TEAD1: variants seen among roughly 807,000 people sequenced by gnomAD.
TEAD1 encodes transcriptional enhancer factor TEF-1.
In TEAD1, 9 loss-of-function variants were observed where a neutral mutation model predicts 54.9. The observed-to-expected ratio is 0.16, with a 90% CI of 0.10 to 0.29. The LOEUF is 0.29. Ranked by LOEUF, TEAD1 falls within the 10% of genes least tolerant of loss-of-function variation. The probability of loss-of-function intolerance (pLI) is 1.00; values close to 1 mark genes in which losing one functional copy is unlikely to be tolerated. For synonymous variants in TEAD1, 200 were observed against 187.8 expected (o/e 1.07, Z -0.53); for missense variants, 387 against 535.9 (o/e 0.72, Z 2.74).
chr11:12,728,882 A>G (rs773511313), intron 2 of TEAD1, among the ~76,000 whole-genome samples: 8 of 152,232 alleles, frequency 5.3e-5, no homozygotes, highest in African/African-American at 1.2e-4. Flanking sequence ...CTGTAGAAAT[A>G]TAAAGGGGTT....
At chr11:12,683,067 G>T (rs1446667756) in intron 2 of TEAD1, among the ~76,000 whole-genome samples, 1 of 152,194 alleles carries the variant, frequency 6.6e-6, no homozygotes, top group Non-Finnish European at 1.5e-5. Flanking sequence ...GTTACAGAGG[G>T]TGGTAGTGTA....
At chr11:12,679,894 G>GT (rs1027224549) in intron 2 of TEAD1, among the ~76,000 whole-genome samples, 2 of 152,196 alleles carry the variant, frequency 1.3e-5, no homozygotes, top group African/African-American at 2.4e-5. Context: ...GAAAGAGACT[G>GT]TTTTTTTGCT....
intron 2 of TEAD1, among the ~76,000 whole-genome samples, chr11:12,736,448 TATTTTGCTGA>T (rs555579603): frequency 9.2e-4 from 140 of 152,340 alleles, no homozygotes; most frequent in Non-Finnish European, 1.6e-3. Context: ...AGCTTTTAGA[TATTTTGCTGA>T]ATTCAAAAAA....
Position 12,844,524 on chromosome 11 carries a change from TG to T in TEAD1, c.203-17720del, listed in dbSNP as rs546328371. Among the ~76,000 whole-genome samples, 219 of 152,200 alleles carry T rather than the reference TG, an allele frequency of 1.4e-3. 1 individual carries two copies. Among genetic ancestry groups the T allele is most frequent in the African/African-American group, 5.1e-3 (213 of 41,516 alleles). On this transcript the variant is annotated intron_variant, in intron 3 of 12. Transcript: ENST00000527636. ...GTTGCCACCACCAGCATCAAATCAT[TG>T]GGGGGCAGGGGTGGGGAAGGTGCGA... is the stretch of plus-strand genomic sequence containing the variant.
intron 2 of TEAD1, among the ~76,000 whole-genome samples, chr11:12,737,794 A>G (rs1421555474): frequency 1.3e-5 from 2 of 152,192 alleles, no homozygotes; most frequent in South Asian, 2.1e-4. Flanking sequence ...GTGGAGGTGT[A>G]TATAGAGAAG....
At position 12,942,623 on chromosome 11, in the gene TEAD1, C is replaced by T. The variant is rs3187435; in HGVS notation, c.*5401C>T. 6.6e-6 allele frequency: 1 copy of T among 152,194 alleles called. No homozygotes were observed. The highest frequency in any genetic ancestry group is 1.5e-5 in the Non-Finnish European group (1 of 68,034). 9.4% of individuals were successfully genotyped at this position (152,194 alleles called of 1,614,324 possible). Reference sequence around the variant, plus strand: ...CGTGTTCAGTCTCTGTGGAGACTTTCTTTTCCATTCAAATGACAGTGCGCA... The same window carrying T: ...CGTGTTCAGTCTCTGTGGAGACTTTTTTTTCCATTCAAATGACAGTGCGCA... On this transcript the variant is annotated 3_prime_UTR_variant, in exon 13 of 13. Coordinates refer to ENST00000527636, the MANE Select transcript of TEAD1 (RefSeq NM_021961.6).
intron 3 of TEAD1, among the ~76,000 whole-genome samples, chr11:12,774,527 C>T (rs1452638898): frequency 6.6e-6 from 1 of 152,068 alleles, no homozygotes; most frequent in Non-Finnish European, 1.5e-5. Context: ...GAAGAAAATG[C>T]CAACATTTCT....
At chr11:12,804,374 G>A (rs1946125126) in intron 3 of TEAD1, among the ~76,000 whole-genome samples, 1 of 152,140 alleles carries the variant, frequency 6.6e-6, no homozygotes, top group Admixed American at 6.5e-5. Flanking sequence ...GGCTAGCTTC[G>A]CTTCTTTCTC....
At chr11:12,895,425 C>A (rs1044549834) in intron 9 of TEAD1, among the ~76,000 whole-genome samples, 1 of 152,162 alleles carries the variant, frequency 6.6e-6, no homozygotes, top group African/African-American at 2.4e-5. Flanking sequence ...ACTGGTGCAA[C>A]ATCTTTTTGG....
intron 2 of TEAD1, among the ~76,000 whole-genome samples, chr11:12,733,832 A>G (rs914732444): frequency 2.0e-5 from 3 of 152,230 alleles, no homozygotes; most frequent in Admixed American, 6.5e-5. Context: ...AAAAATTCCT[A>G]TTGTCTAGTG....
intron 3 of TEAD1, among the ~76,000 whole-genome samples, chr11:12,856,586 T>A (rs1183910646): frequency 6.6e-6 from 1 of 152,028 alleles, no homozygotes; most frequent in Non-Finnish European, 1.5e-5. Context: ...GTAGTACTAC[T>A]GGGCTGAGCG....
chr11:12,764,838 C>G (rs192788202), intron 3 of TEAD1, among the ~76,000 whole-genome samples: 16 of 150,290 alleles, frequency 1.1e-4, no homozygotes, highest in African/African-American at 3.7e-4. Context: ...CTGGTGCTCC[C>G]GAATCCCTTG....
chr11:12,758,137 A>G, intron 2 of TEAD1, among the ~76,000 whole-genome samples: 1 of 151,978 alleles, frequency 6.6e-6, no homozygotes, highest in East Asian at 1.9e-4. Context: ...GGCGCTAGGG[A>G]CAGTGTAAAT....
intron 7 of TEAD1, 28 bp downstream of exon 7, chr11:12,881,079 C>G: frequency 6.2e-7 from 1 of 1,613,590 alleles, no homozygotes; most frequent in South Asian, 1.1e-5. Context: ...TGGGCACTGA[C>G]AACTACGGGC....
intron 3 of TEAD1, among the ~76,000 whole-genome samples, chr11:12,821,166 T>C (rs1038423208): frequency 2.0e-5 from 3 of 152,194 alleles, no homozygotes; most frequent in Non-Finnish European, 4.4e-5. Flanking sequence ...GTGGGATACT[T>C]GGCTTTTCAA....
chr11:12,678,404 C>G (rs1943143195), intron 2 of TEAD1, among the ~76,000 whole-genome samples: 1 of 152,180 alleles, frequency 6.6e-6, no homozygotes, highest in South Asian at 2.1e-4. Flanking sequence ...CTGGCACAAT[C>G]TTTTATAGCT....
chr11:12,854,196 A>G (rs1323661343), intron 3 of TEAD1, among the ~76,000 whole-genome samples: 1 of 152,164 alleles, frequency 6.6e-6, no homozygotes, highest in African/African-American at 2.4e-5. Context: ...GGACTGGTTC[A>G]GAGGCTGTTT....
At chr11:12,759,677 A>G (rs943520171) in intron 2 of TEAD1, among the ~76,000 whole-genome samples, 2 of 152,202 alleles carry the variant, frequency 1.3e-5, no homozygotes, top group East Asian at 1.9e-4. Flanking sequence ...CCTGGCCAAC[A>G]TGGTGAAACC....
intron 3 of TEAD1, among the ~76,000 whole-genome samples, chr11:12,826,636 C>T (rs1016012774): frequency 6.6e-6 from 1 of 152,198 alleles, no homozygotes. Context: ...GGGTCAGTTA[C>T]TTAACTCCAT....
Sources: allele counts gnomAD v4.1 joint callset (sites outside exome capture counted in the v4.1 genomes callset), GRCh38; gene constraint gnomAD v4.1.1; transcripts MANE v1.5; gene names NCBI Gene and HGNC (gene_info 2026-07-23, HGNC 2026-07-21).